ME3: variants seen among roughly 807,000 people sequenced by gnomAD.
The protein encoded by ME3 is NADP-dependent malic enzyme, mitochondrial.
A neutral mutation model predicts 68.9 loss-of-function variants in ME3; 48 were observed. The ratio of observed to expected loss-of-function variants is 0.70; its 90% CI spans 0.55 to 0.89. The LOEUF is 0.89. Ranked by LOEUF, ME3 falls within the 40% of genes least tolerant of loss-of-function variation. The pLI, the probability that ME3 is intolerant of heterozygous loss-of-function variation, is 0.00. For missense variants in ME3, 675 were observed against 797.4 expected (o/e 0.85, Z 1.85); for synonymous variants, 320 against 318.8 (o/e 1.00, Z -0.04).
At chr11:86,445,587 A>G (rs536886147) in intron 13 of ME3, among the ~76,000 whole-genome samples, 102 of 152,336 alleles carry the variant, frequency 6.7e-4, no homozygotes, top group African/African-American at 2.5e-3. Flanking sequence ...AGACATTTCT[A>G]TGCCTTGCTT....
rs1032921676 is a variant in ME3 at position 86,671,935 on chromosome 11, C to T, written c.10G>A (p.Ala4Thr). The T allele has an allele frequency of 5.6e-6, 8 of 1,430,654 alleles. No individual in the cohort carries two copies. The African/African-American group carries it at 1.1e-4, about 19-fold the overall frequency. The allele number at this position is 1,430,654 out of a possible 1,614,324, so 88.6% of individuals were successfully genotyped here. ...GCCAGCCGCGTGCCTGTCCCCAGCG[C>T]GGCACCCATGGTCCTTGGCAGACCT... is the stretch of plus-strand genomic sequence containing the variant. Residue 4 changes from alanine (A) to threonine (T), a missense_variant, in exon 2 of 15, where the codon GCG (alanine) becomes ACG (threonine). By Grantham distance (58) the Ala-to-Thr change is moderately conservative (BLOSUM62 0). Transcript: ENST00000543262.
At chr11:86,647,973 T>C (rs150929586) in intron 2 of ME3, among the ~76,000 whole-genome samples, 1 of 152,146 alleles carries the variant, frequency 6.6e-6, no homozygotes, top group African/African-American at 2.4e-5. Flanking sequence ...CAGAACCACA[T>C]AGCACTTATT....
intron 7 of ME3, among the ~76,000 whole-genome samples, chr11:86,479,352 G>A (rs762875863): frequency 5.3e-5 from 8 of 152,094 alleles, no homozygotes; most frequent in Non-Finnish European, 8.8e-5. Flanking sequence ...CCATCATCAC[G>A]TTAGCCACTT....
At chr11:86,487,645 G>A (rs1951775188) in intron 6 of ME3, among the ~76,000 whole-genome samples, 1 of 152,232 alleles carries the variant, frequency 6.6e-6, no homozygotes, top group South Asian at 2.1e-4. Context: ...CTCTTAGATG[G>A]TCCTCATTTT....
At chr11:86,583,698 C>T (rs1187592967) in intron 2 of ME3, among the ~76,000 whole-genome samples, 2 of 152,096 alleles carry the variant, frequency 1.3e-5, no homozygotes, top group Non-Finnish European at 2.9e-5. Context: ...CCTGAGGAAG[C>T]AATATCCAAA....
intron 5 of ME3, among the ~76,000 whole-genome samples, chr11:86,500,382 C>T (rs1952642394): frequency 6.6e-6 from 1 of 152,218 alleles, no homozygotes; most frequent in Admixed American, 6.5e-5. Flanking sequence ...TACTGCATGC[C>T]CAGCTCCTCT....
intron 2 of ME3, among the ~76,000 whole-genome samples, chr11:86,618,298 T>TAAAAAAAA (rs1943110594): frequency 2.5e-4 from 1 of 4,036 alleles, no homozygotes; most frequent in Non-Finnish European, 5.5e-4. Context: ...AGGCTCTGTC[T>TAAAAAAAA]CAAAAAAAAA....
intron 4 of ME3, among the ~76,000 whole-genome samples, chr11:86,521,423 C>CAACA (rs1555221547): frequency 1.2e-5 from 1 of 85,982 alleles, no homozygotes; most frequent in African/African-American, 5.0e-5. Flanking sequence ...CAAAACAAAA[C>CAACA]AAAACAAAAA....
intron 2 of ME3, among the ~76,000 whole-genome samples, chr11:86,623,271 T>TG (rs886767359): frequency 6.6e-6 from 1 of 152,178 alleles, no homozygotes; most frequent in African/African-American, 2.4e-5. Context: ...CATCTTCTCC[T>TG]GCCCTTGGAT....
chr11:86,640,244 A>G (rs909121058), intron 2 of ME3, among the ~76,000 whole-genome samples: 4 of 152,226 alleles, frequency 2.6e-5, no homozygotes, highest in African/African-American at 9.6e-5. Context: ...GCAATCAGAG[A>G]GTTCAAGCTT....
chr11:86,486,227 C>T (rs539943080), intron 7 of ME3, among the ~76,000 whole-genome samples: 59 of 152,308 alleles, frequency 3.9e-4, no homozygotes, highest in African/African-American at 1.4e-3. Context: ...ACTTTTTCCC[C>T]CCATCCTACA....
chr11:86,519,088 A>G (rs1009090876), intron 4 of ME3, among the ~76,000 whole-genome samples: 2 of 152,230 alleles, frequency 1.3e-5, no homozygotes, highest in African/African-American at 4.8e-5. Flanking sequence ...ATTTTGTTAC[A>G]TACAGTAGCC....
At chr11:86,655,709 C>A (rs1220083796) in intron 2 of ME3, among the ~76,000 whole-genome samples, 1 of 151,850 alleles carries the variant, frequency 6.6e-6, no homozygotes, top group South Asian at 2.1e-4. Flanking sequence ...ATGTCTAAAA[C>A]ACCAAAAGCA....
At chr11:86,444,830 T>G (rs946342387) in intron 13 of ME3, among the ~76,000 whole-genome samples, 7 of 152,228 alleles carry the variant, frequency 4.6e-5, no homozygotes, top group East Asian at 3.8e-4. Context: ...AAAAGTACCC[T>G]TTTCAGAAAT....
chr11:86,484,171 A>G (rs1415555486), intron 7 of ME3, among the ~76,000 whole-genome samples: 1 of 152,206 alleles, frequency 6.6e-6, no homozygotes, highest in Non-Finnish European at 1.5e-5. Context: ...CTTAACATAC[A>G]TCCCCATTAG....
At position 86,631,594 on chromosome 11, in the gene ME3, A is replaced by G. The variant is rs141442994; in HGVS notation, c.183+40168T>C. On this transcript the variant is annotated intron_variant, in intron 2 of 14. Coordinates refer to ENST00000543262, the Ensembl canonical transcript of ME3. ...AATAGATCAGACTGTCTTGTTTATAAAAATCCTCAGGTAATTCTGATGCAT... is the reference window on the plus strand; with the variant it reads ...AATAGATCAGACTGTCTTGTTTATAGAAATCCTCAGGTAATTCTGATGCAT... Among the ~76,000 whole-genome samples the G allele has an allele frequency of 1.6e-3, 244 of 152,318 alleles. 1 individual carries two copies. Among genetic ancestry groups the G allele is most frequent in the Non-Finnish European group, 1.2e-4 (8 of 68,026 alleles).
chr11:86,448,423 A>G (rs746193001), intron 10 of ME3, among the ~76,000 whole-genome samples, 168 bp from the exon 11 acceptor site: 2 of 152,190 alleles, frequency 1.3e-5, no homozygotes, highest in African/African-American at 2.4e-5. Flanking sequence ...GGCAGAACCT[A>G]TGGTGGGACA....
intron 8 of ME3, among the ~76,000 whole-genome samples, chr11:86,462,408 G>A (rs370757621): frequency 1.2e-4 from 19 of 152,298 alleles, no homozygotes; most frequent in African/African-American, 4.3e-4. Flanking sequence ...GCTATTAGTA[G>A]CTAAGTTTCT....
intron 2 of ME3, among the ~76,000 whole-genome samples, chr11:86,617,941 A>G (rs11234719): frequency 0.39 from 59,539 of 152,012 alleles, 12,357 homozygotes; most frequent in East Asian, 0.7. Context: ...GTCAAAGACT[A>G]TAAATGAGCA....
Sources: allele counts gnomAD v4.1 joint callset (sites outside exome capture counted in the v4.1 genomes callset), GRCh38; gene constraint gnomAD v4.1.1; transcripts MANE v1.5; gene names NCBI Gene and HGNC (gene_info 2026-07-23, HGNC 2026-07-21).